Variants in CCDC171 observed in about 807,000 individuals in gnomAD.
CCDC171 encodes coiled-coil domain-containing protein 171.
Under a neutral mutation model 168.2 loss-of-function variants are expected in CCDC171, and 177 were observed. That is an observed-to-expected ratio of 1.05 (90% CI 0.93 to 1.19). The LOEUF (loss-of-function observed/expected upper bound fraction) is 1.19. Ranked by LOEUF, CCDC171 falls within the 50% of genes most tolerant of loss-of-function variation. The probability of loss-of-function intolerance (pLI) is 0.00; values close to 1 mark genes in which losing one functional copy is unlikely to be tolerated. For synonymous variants in CCDC171, 687 were observed against 540.8 expected (o/e 1.27, Z -3.75); for missense variants, 1,991 against 1,539.0 (o/e 1.29, Z -4.91).
intron 6 of CCDC171, among the ~76,000 whole-genome samples, chr9:15,601,894 A>T (rs1013924574): frequency 2.6e-5 from 4 of 152,234 alleles, no homozygotes; most frequent in African/African-American, 9.6e-5. Context: ...AAATATGTGG[A>T]TGATGTGATT....
At chr9:15,757,745 C>G (rs548999969) in intron 18 of CCDC171, among the ~76,000 whole-genome samples, 1 of 152,298 alleles carries the variant, frequency 6.6e-6, no homozygotes, top group South Asian at 2.1e-4. Context: ...GTGCTGTGGT[C>G]AGCCTAGGGG....
intron 3 of CCDC171, among the ~76,000 whole-genome samples, chr9:16,014,438 C>A (rs1238799874): frequency 1.3e-5 from 2 of 152,124 alleles, no homozygotes; most frequent in East Asian, 3.9e-4. Context: ...TTCCAAATTC[C>A]TGTTAATGTT....
At chr9:15,857,748 A>T (rs1002128034) in intron 23 of CCDC171, among the ~76,000 whole-genome samples, 1 of 151,710 alleles carries the variant, frequency 6.6e-6, no homozygotes, top group Non-Finnish European at 1.5e-5. Context: ...AGCAAGTGAT[A>T]TCTGGTTTTC....
rs546236753 is a variant in CCDC171, at chr9:15,998,004, G to C, written n.369-22585G>C. ...AATTCAAAGTGCTCCCATGGTAGCT[G>C]TAGCTTGTACTTCCATAGGATCCTT... On this transcript the variant is annotated intron_variant and non_coding_transcript_variant, in intron 3 of 9. Transcript: ENST00000486641. 7.9e-4 allele frequency among the ~76,000 whole-genome samples: 120 copies of C among 152,304 alleles called. 1 individual carries two copies. Among genetic ancestry groups the C allele is most frequent in the Middle Eastern group, 3.4e-3 (1 of 294 alleles).
At chr9:15,554,760 G>A (rs945426152) in intron 1 of CCDC171, among the ~76,000 whole-genome samples, 1 of 152,182 alleles carries the variant, frequency 6.6e-6, no homozygotes, top group Admixed American at 6.5e-5. Context: ...TAGTGAAAGA[G>A]GATGGACTTA....
At chr9:16,064,222 G>T (rs962296247), downstream of CCDC171, among the ~76,000 whole-genome samples, 1 of 152,166 alleles carries the variant, frequency 6.6e-6, no homozygotes, top group Admixed American at 6.5e-5. Flanking sequence ...TCACTTGATG[G>T]AAAGAAATCC....
chr9:15,878,524 TTGG>T (rs1404192868), intron 24 of CCDC171, among the ~76,000 whole-genome samples: 3 of 152,144 alleles, frequency 2.0e-5, no homozygotes, highest in Admixed American at 6.5e-5. Context: ...TTATACACTG[TTGG>T]TGGGAGTGTA....
chr9:15,831,521 C>A (rs907973253), intron 21 of CCDC171, among the ~76,000 whole-genome samples: 1 of 152,142 alleles, frequency 6.6e-6, no homozygotes, highest in Non-Finnish European at 1.5e-5. Flanking sequence ...TAATAAACAT[C>A]TTTGACTGTC....
At chr9:16,093,625 C>T in the CCDC171 span, among the ~76,000 whole-genome samples, 1 of 152,100 alleles carries the variant, frequency 6.6e-6, no homozygotes, top group Non-Finnish European at 1.5e-5. Flanking sequence ...CTGATGTTGC[C>T]CACTGTTTCC....
At chr9:16,038,953 C>G (rs540772170), upstream of CCDC171, among the ~76,000 whole-genome samples, 1 of 148,412 alleles carries the variant, frequency 6.7e-6, no homozygotes, top group Non-Finnish European at 1.5e-5. Context: ...GGTTGTTATA[C>G]AAAATGTAAC....
At position 15,973,283 on chromosome 9, in the gene CCDC171, C is replaced by T. The variant is rs1346159438; in HGVS notation, c.*1447C>T. On this transcript the variant is annotated 3_prime_UTR_variant, in exon 26 of 26. Coordinates refer to ENST00000380701, the MANE Select transcript of CCDC171 (RefSeq NM_173550.4). ...ATTATGGAATCTTTCATTATGGATA[C>T]ATTAGAGTATAACAGTATGTATTAC... The T allele has an allele frequency of 1.3e-5, 2 of 152,024 alleles. No homozygotes were observed. The highest frequency in any genetic ancestry group is 1.3e-4 in the Admixed American group (2 of 15,244). The allele number at this position is 152,024 out of a possible 1,614,324, so 9.4% of individuals were successfully genotyped here.
At chr9:15,962,777 CT>C (rs1438548336) in intron 25 of CCDC171, among the ~76,000 whole-genome samples, 2 of 151,596 alleles carry the variant, frequency 1.3e-5, no homozygotes, top group Non-Finnish European at 2.9e-5. Context: ...TAATTCAGTT[CT>C]TTTTTCCAAA....
chr9:15,896,844 A>T (rs889933822), intron 24 of CCDC171, among the ~76,000 whole-genome samples: 1 of 152,060 alleles, frequency 6.6e-6, no homozygotes, highest in African/African-American at 2.4e-5. Context: ...ATGTACACAA[A>T]CCCTAATACA....
At chr9:15,705,196 T>C (rs560960260) in intron 11 of CCDC171, among the ~76,000 whole-genome samples, 2 of 152,256 alleles carry the variant, frequency 1.3e-5, no homozygotes, top group Non-Finnish European at 2.9e-5. Flanking sequence ...TTTCATAGTG[T>C]ATATGGATAT....
At chr9:15,796,447 T>C (rs1420282894) in intron 21 of CCDC171, among the ~76,000 whole-genome samples, 4 of 152,138 alleles carry the variant, frequency 2.6e-5, no homozygotes. Flanking sequence ...TCTTTAAAGT[T>C]ATGGGAGAAA....
chr9:15,957,176 G>T (rs1829883895), intron 25 of CCDC171, among the ~76,000 whole-genome samples: 1 of 152,086 alleles, frequency 6.6e-6, no homozygotes. Flanking sequence ...CTTGCTGTGT[G>T]TGAGCAGTTC....
At chr9:15,819,695 C>T (rs2136078161) in intron 21 of CCDC171, among the ~76,000 whole-genome samples, 1 of 117,076 alleles carries the variant, frequency 8.5e-6, no homozygotes, top group East Asian at 2.1e-4. Context: ...TAAAGCAAGT[C>T]CTGAGTGACC....
At chr9:15,584,492 A>G (rs1053854244) in intron 4 of CCDC171, among the ~76,000 whole-genome samples, 2 of 152,320 alleles carry the variant, frequency 1.3e-5, no homozygotes, top group South Asian at 4.1e-4. Context: ...ACAAAAGTAT[A>G]TGTTCCAATG....
chr9:15,908,133 G>T (rs1823002948), intron 24 of CCDC171, among the ~76,000 whole-genome samples: 1 of 151,596 alleles, frequency 6.6e-6, no homozygotes, highest in African/African-American at 2.4e-5. Flanking sequence ...AATACCATTT[G>T]ACCCAGCCAT....
Sources: allele counts gnomAD v4.1 joint callset (sites outside exome capture counted in the v4.1 genomes callset), GRCh38; gene constraint gnomAD v4.1.1; transcripts MANE v1.5; gene names NCBI Gene and HGNC (gene_info 2026-07-23, HGNC 2026-07-21).